NPAS3: variants seen among roughly 807,000 people sequenced by gnomAD.
NPAS3 encodes the protein neuronal PAS domain protein 3, also known as neuronal PAS domain-containing protein 3.
NPAS3 carries 14 observed loss-of-function variants against 73.1 expected under a neutral mutation model. That is an observed-to-expected ratio of 0.19 (90% CI 0.13 to 0.30). The LOEUF (loss-of-function observed/expected upper bound fraction) is 0.30. Ranked by LOEUF, NPAS3 falls within the 10% of genes least tolerant of loss-of-function variation. NPAS3 has a pLI of 1.00. For missense variants in NPAS3, 1,096 were observed against 1,250.0 expected (o/e 0.88, Z 1.86); for synonymous variants, 620 against 541.5 (o/e 1.14, Z -2.01).
intron 2 of NPAS3, among the ~76,000 whole-genome samples, chr14:33,165,115 C>T (rs1463200071): frequency 1.3e-5 from 2 of 152,052 alleles, no homozygotes; most frequent in East Asian, 3.9e-4. Flanking sequence ...CAGCATTCAT[C>T]ATTTGTTCAA....
intron 4 of NPAS3, among the ~76,000 whole-genome samples, chr14:33,407,298 C>T (rs1347942213): frequency 1.3e-5 from 2 of 152,088 alleles, no homozygotes; most frequent in African/African-American, 4.8e-5. Flanking sequence ...GCCTCTTTTC[C>T]ACCTCCACGA....
At chr14:33,251,231 TTTTTC>T (rs2048572784) in intron 3 of NPAS3, among the ~76,000 whole-genome samples, 1 of 152,134 alleles carries the variant, frequency 6.6e-6, no homozygotes, top group Non-Finnish European at 1.5e-5. Flanking sequence ...GCCGTTTTCC[TTTTTC>T]TTTTCTTATA....
rs572301532 is a variant in NPAS3 at position 33,652,732 on chromosome 14, C to T, written c.559-23479C>T. 2.8e-4 allele frequency among the ~76,000 whole-genome samples: 43 copies of T among 152,268 alleles called. 1 individual carries two copies. The highest frequency in any genetic ancestry group is 1.2e-3 in the Admixed American group (18 of 15,302). ...CAAACTGCTTCCTAAAACTGGAGTC[C>T]GAACACGAGGGGAAGCTCCATTCTC... On this transcript the variant is annotated intron_variant, in intron 5 of 11. Transcript: ENST00000356141.
chr14:33,390,093 T>C (rs1167489817), intron 4 of NPAS3, among the ~76,000 whole-genome samples: 1 of 152,090 alleles, frequency 6.6e-6, no homozygotes, highest in Non-Finnish European at 1.5e-5. Flanking sequence ...GTGAGGAAAT[T>C]AGAGATGGGA....
intron 2 of NPAS3, among the ~76,000 whole-genome samples, chr14:33,189,597 G>A (rs1050595450): frequency 1.3e-5 from 2 of 152,186 alleles, no homozygotes; most frequent in Admixed American, 6.5e-5. Context: ...CTTTTGGACT[G>A]TAGGCACAAT....
intron 4 of NPAS3, among the ~76,000 whole-genome samples, chr14:33,486,468 C>A (rs1427460932): frequency 3.3e-5 from 5 of 152,156 alleles, no homozygotes; most frequent in Non-Finnish European, 7.4e-5. Context: ...TTACCAGAAG[C>A]AACCCTGGGC....
chr14:33,373,386 ATG>A (rs5807721), intron 4 of NPAS3, among the ~76,000 whole-genome samples: 69,003 of 146,922 alleles, frequency 0.47, 15,782 homozygotes, highest in Middle Eastern at 0.56. Context: ...ATTGAACTAT[ATG>A]TGTGTGTGTG....
intron 4 of NPAS3, among the ~76,000 whole-genome samples, chr14:33,394,978 C>A (rs1119217): frequency 0.38 from 58,485 of 151,968 alleles, 11,826 homozygotes; most frequent in East Asian, 0.52. Flanking sequence ...TGCCAACAGC[C>A]AAAAACCATT....
chr14:33,089,855 A>C, intron 2 of NPAS3, among the ~76,000 whole-genome samples: 1 of 152,180 alleles, frequency 6.6e-6, no homozygotes, highest in Non-Finnish European at 1.5e-5. Flanking sequence ...AACATTCTTA[A>C]AGAAAAGAAT....
intron 5 of NPAS3, among the ~76,000 whole-genome samples, chr14:33,628,916 C>T (rs1432110975): frequency 6.6e-6 from 1 of 152,174 alleles, no homozygotes; most frequent in African/African-American, 2.4e-5. Flanking sequence ...CCATGAACAT[C>T]CAATGCATAG....
chr14:32,981,780 A>G (rs2037908402), intron 1 of NPAS3, among the ~76,000 whole-genome samples: 1 of 152,186 alleles, frequency 6.6e-6, no homozygotes, highest in African/African-American at 2.4e-5. Context: ...CTCCAACAGC[A>G]TACTATCTTG....
intron 2 of NPAS3, among the ~76,000 whole-genome samples, chr14:33,097,268 A>G (rs2042449962): frequency 6.6e-6 from 1 of 152,218 alleles, no homozygotes; most frequent in Non-Finnish European, 1.5e-5. Flanking sequence ...CAGATAGATT[A>G]GTTTTATCTA....
intron 5 of NPAS3, among the ~76,000 whole-genome samples, chr14:33,659,718 A>G (rs994843110): frequency 1.4e-4 from 21 of 152,116 alleles, no homozygotes; most frequent in African/African-American, 4.8e-4. Flanking sequence ...AATAATCTCT[A>G]TTTCATCTAA....
intron 3 of NPAS3, among the ~76,000 whole-genome samples, chr14:33,295,514 C>T (rs2042260771): frequency 6.6e-6 from 1 of 152,274 alleles, no homozygotes; most frequent in South Asian, 2.1e-4. Context: ...TAAGGATTCA[C>T]CAGCCAAGTA....
chr14:33,109,621 T>A (rs1394829338), intron 2 of NPAS3, among the ~76,000 whole-genome samples: 1 of 152,080 alleles, frequency 6.6e-6, no homozygotes, highest in African/African-American at 2.4e-5. Flanking sequence ...TGTTTGTTTA[T>A]ATGTTTGAGC....
At chr14:33,693,764 C>T (rs2060298020) in intron 6 of NPAS3, among the ~76,000 whole-genome samples, 1 of 152,172 alleles carries the variant, frequency 6.6e-6, no homozygotes, top group Non-Finnish European at 1.5e-5. Context: ...TAAAATTACA[C>T]AGTGGTGTTC....
intron 4 of NPAS3, among the ~76,000 whole-genome samples, chr14:33,398,025 T>G (rs2047296550): frequency 6.6e-6 from 1 of 152,134 alleles, no homozygotes; most frequent in African/African-American, 2.4e-5. Flanking sequence ...ATCTTTTCAG[T>G]ACACCAATGC....
At chr14:33,639,735 G>A (rs1341456450) in intron 5 of NPAS3, among the ~76,000 whole-genome samples, 3 of 152,158 alleles carry the variant, frequency 2.0e-5, no homozygotes, top group Non-Finnish European at 2.9e-5. Flanking sequence ...TTATGAATCT[G>A]CTTTCTTACA....
At chr14:33,266,549 A>G (rs1265754673) in intron 3 of NPAS3, among the ~76,000 whole-genome samples, 1 of 152,176 alleles carries the variant, frequency 6.6e-6, no homozygotes, top group Non-Finnish European at 1.5e-5. Flanking sequence ...AACTAAATAC[A>G]ATTTAATTAT....
Sources: gnomAD v4.1 joint callset for allele counts (sites outside exome capture counted in the v4.1 genomes callset) on GRCh38, gnomAD v4.1.1 for gene constraint, MANE v1.5 for transcripts, NCBI Gene and HGNC (gene_info 2026-07-23, HGNC 2026-07-21) for gene names.